The following CORO2A variants were observed in gnomAD, a reference collection of about 807,000 sequenced individuals.
The protein encoded by CORO2A is coronin-2A.
A neutral mutation model predicts 62.4 loss-of-function variants in CORO2A; 47 were observed. That is an observed-to-expected ratio of 0.75 (90% CI 0.60 to 0.96). The LOEUF is 0.96. Ranked by LOEUF, CORO2A falls within the 40% of genes least tolerant of loss-of-function variation. CORO2A has a pLI of 0.00. For missense variants in CORO2A, 610 were observed against 684.1 expected (o/e 0.89, Z 1.21); for synonymous variants, 273 against 268.9 (o/e 1.02, Z -0.15).
chr9:98,173,158 C>G (rs1204104802), intron 1 of CORO2A, among the ~76,000 whole-genome samples: 1 of 152,180 alleles, frequency 6.6e-6, no homozygotes, highest in Non-Finnish European at 1.5e-5. Context: ...AACAAACAAA[C>G]AAACTCCGAT....
intron 1 of CORO2A, among the ~76,000 whole-genome samples, chr9:98,180,065 C>T (rs1369968837): frequency 2.0e-5 from 3 of 152,092 alleles, no homozygotes; most frequent in South Asian, 2.1e-4. Context: ...TGACATTTTA[C>T]GATCATAATG....
chr9:98,152,090 T>G (rs926332428), intron 2 of CORO2A, among the ~76,000 whole-genome samples: 2 of 151,356 alleles, frequency 1.3e-5, no homozygotes, highest in Admixed American at 1.3e-4. Flanking sequence ...GTGCTGAGAT[T>G]ACAGGCATGA....
intron 4 of CORO2A, among the ~76,000 whole-genome samples, chr9:98,133,633 C>CT (rs1349530199): frequency 6.6e-6 from 1 of 152,158 alleles, no homozygotes; most frequent in African/African-American, 2.4e-5. Flanking sequence ...CTAGTGCCCC[C>CT]TGAAGTTGGG....
intron 1 of CORO2A, among the ~76,000 whole-genome samples, chr9:98,176,042 G>A (rs1828105076): frequency 6.6e-6 from 1 of 152,104 alleles, no homozygotes. Flanking sequence ...CTTTGAGCAG[G>A]GCTTACAGAT....
rs375515622 is a variant in CORO2A at position 98,132,321 on chromosome 9, C to T, written c.649-20G>A. 3.7e-6 allele frequency: 6 copies of T among 1,601,678 alleles called. No homozygotes were observed. The highest frequency in any genetic ancestry group is 2.7e-5 in the African/African-American group (2 of 74,780). ...GGCCTCCTGGAGGGACACGTGCGGT[C>T]GGTATTGGAGAGACAGTAGAGGATC... On this transcript the variant is annotated intron_variant, in intron 5 of 11. Coordinates refer to ENST00000375077, the MANE Select transcript of CORO2A (RefSeq NM_052820.4).
At chr9:98,151,239 GT>G (rs1307145060) in intron 2 of CORO2A, among the ~76,000 whole-genome samples, 1 of 152,178 alleles carries the variant, frequency 6.6e-6, no homozygotes, top group Non-Finnish European at 1.5e-5. Context: ...TCAGGGCATG[GT>G]TCTAAGGAAA....
rs1442516197 is a variant in CORO2A, at chr9:98,154,334, T to A, written c.201+3126A>T. Among the ~76,000 whole-genome samples, 14 of 110,772 alleles carry A rather than the reference T, an allele frequency of 1.3e-4. No homozygotes were observed. In the East Asian group the frequency reaches 2.4e-3, roughly 19 times the overall value. 72.7% of individuals were successfully genotyped at this position (110,772 alleles called of 152,430 possible). On this transcript the variant is annotated intron_variant, in intron 2 of 11. Transcript: ENST00000375077. Reference sequence around the variant, plus strand: ...TCTTTCTTATGTGTTTGTGTGTATATATATATATATATATATATACACAAA... The same window carrying A: ...TCTTTCTTATGTGTTTGTGTGTATAAATATATATATATATATATACACAAA...
intron 2 of CORO2A, among the ~76,000 whole-genome samples, chr9:98,148,611 G>A (rs1056372378): frequency 4.0e-5 from 6 of 151,780 alleles, no homozygotes; most frequent in Admixed American, 2.0e-4. Context: ...GGGTGTGATG[G>A]CATGCACCTG....
intron 1 of CORO2A, among the ~76,000 whole-genome samples, chr9:98,177,773 C>G (rs1168856419): frequency 5.3e-5 from 8 of 151,098 alleles, no homozygotes; most frequent in Non-Finnish European, 1.0e-4. Context: ...TGTGCTCACA[C>G]CCCATTATCT....
At chr9:98,172,764 T>C (rs1828056059) in intron 1 of CORO2A, 1 of 152,240 alleles carries the variant, frequency 6.6e-6, no homozygotes, top group Admixed American at 6.5e-5. Context: ...CCTAAATTGT[T>C]TGTCCAGGCT....
At chr9:98,130,236 A>G (rs1329574032) in intron 7 of CORO2A, among the ~76,000 whole-genome samples, 2 of 152,088 alleles carry the variant, frequency 1.3e-5, no homozygotes, top group Non-Finnish European at 2.9e-5. Context: ...GTGTGCCACC[A>G]CGCCTGGCTA....
intron 1 of CORO2A, among the ~76,000 whole-genome samples, chr9:98,189,598 G>A (rs1564223216): frequency 6.6e-6 from 1 of 152,154 alleles, no homozygotes; most frequent in Non-Finnish European, 1.5e-5. Flanking sequence ...AACAAATTCA[G>A]CAACTGCTGA....
chr9:98,137,495 G>T, intron 3 of CORO2A, 77 bp downstream of exon 3: 1 of 1,202,496 alleles, frequency 8.3e-7, no homozygotes, highest in Non-Finnish European at 1.2e-6. Context: ...CCAGAGCCAA[G>T]AACAGGTACC....
intron 1 of CORO2A, among the ~76,000 whole-genome samples, chr9:98,169,062 G>A (rs907117244): frequency 3.3e-5 from 5 of 152,316 alleles, no homozygotes; most frequent in Admixed American, 6.5e-5. Context: ...CATCAGCACA[G>A]CCCAGGCAGG....
intron 2 of CORO2A, among the ~76,000 whole-genome samples, chr9:98,151,721 G>A (rs951204522): frequency 6.6e-6 from 1 of 152,014 alleles, no homozygotes; most frequent in African/African-American, 2.4e-5. Flanking sequence ...GGAGTGCAAT[G>A]GCGCCATCTC....
At chr9:98,157,697 A>G in intron 1 of CORO2A, 37 bp from the exon 2 acceptor site, 4 of 1,568,304 alleles carry the variant, frequency 2.6e-6, no homozygotes, top group Non-Finnish European at 2.6e-6. Flanking sequence ...TATGAGGCTC[A>G]CTGCCCTGAT....
At chr9:98,172,807 C>T (rs1735878357) in intron 1 of CORO2A, 1 of 152,264 alleles carries the variant, frequency 6.6e-6, no homozygotes, top group South Asian at 2.1e-4. Context: ...GGAGGCCAGA[C>T]TGATTGCCCT....
chr9:98,181,995 G>A (rs538586907), intron 1 of CORO2A, among the ~76,000 whole-genome samples: 9 of 152,146 alleles, frequency 5.9e-5, no homozygotes, highest in African/African-American at 1.2e-4. Flanking sequence ...TTCCTTGACC[G>A]GCACCATCTG....
chr9:98,161,775 G>C (rs984886986), intron 1 of CORO2A, among the ~76,000 whole-genome samples: 2 of 152,118 alleles, frequency 1.3e-5, no homozygotes, highest in Non-Finnish European at 2.9e-5. Context: ...GTGCCTGAGT[G>C]CATGTGGCGG....
Sources: gnomAD v4.1 joint callset for allele counts (sites outside exome capture counted in the v4.1 genomes callset) on GRCh38, gnomAD v4.1.1 for gene constraint, MANE v1.5 for transcripts, NCBI Gene and HGNC (gene_info 2026-07-23, HGNC 2026-07-21) for gene names.